PIEZO2: variants seen among roughly 807,000 people sequenced by gnomAD.
The protein encoded by PIEZO2 is piezo-type mechanosensitive ion channel component 2.
A neutral mutation model predicts 337.3 loss-of-function variants in PIEZO2; 172 were observed. The observed-to-expected ratio is 0.51, with a 90% confidence interval of 0.45 to 0.58. The LOEUF is 0.58. PIEZO2 is among the 20% of genes least tolerant of loss of function. PIEZO2 has a pLI of 0.00. For missense variants in PIEZO2, 3,028 were observed against 3,391.3 expected (o/e 0.89, Z 2.66); for synonymous variants, 1,251 against 1,228.5 (o/e 1.02, Z -0.38).
rs747820197 is a variant in PIEZO2, at chr18:10,780,350, C to A, written c.2509G>T (p.Gly837Cys). The A allele has an allele frequency of 2.8e-6, 2 of 702,896 alleles. No homozygotes were observed. Among genetic ancestry groups the A allele is most frequent in the African/African-American group, 1.7e-5 (1 of 57,334 alleles). 43.5% of individuals were successfully genotyped at this position (702,896 alleles called of 1,614,324 possible). A position where few individuals can be genotyped will look rare whatever the true frequency, so the allele number is the denominator to read the frequency against. ...CTATTTATTATTAGATATACGCGAC[C>A]ATTGACTTTGGCATGGCTACGAGGT... ...NTIYSHAKVNGRVYLIINSIK... is the reference protein window; with the variant it reads ...NTIYSHAKVNCRVYLIINSIK... Residue 837 changes from glycine to cysteine, a missense_variant, in exon 18 of 56, where the codon GGT becomes TGT. By Grantham distance (159) the Gly-to-Cys change is radical (BLOSUM62 -3). Coordinates refer to ENST00000674853, the MANE Select transcript of PIEZO2 (RefSeq NM_001378183.1).
chr18:11,072,352 A>G (rs1003472127), intron 1 of PIEZO2, among the ~76,000 whole-genome samples: 2 of 152,192 alleles, frequency 1.3e-5, no homozygotes, highest in Admixed American at 6.5e-5. Context: ...CCCAATTGAC[A>G]TGGCCCCCAA....
chr18:10,681,032 AGC>A (rs1020739701), intron 51 of PIEZO2, among the ~76,000 whole-genome samples: 6 of 152,236 alleles, frequency 3.9e-5, no homozygotes, highest in Admixed American at 3.3e-4. Context: ...TAAAAATAAT[AGC>A]CTTTTTAAAA....
intron 3 of PIEZO2, among the ~76,000 whole-genome samples, chr18:10,932,308 A>G (rs549792424): frequency 3.9e-5 from 6 of 152,210 alleles, no homozygotes; most frequent in Non-Finnish European, 8.8e-5. Context: ...AGGTGGGAGG[A>G]TCAATTGAGC....
intron 1 of PIEZO2, among the ~76,000 whole-genome samples, chr18:11,071,732 A>G (rs1440716079): frequency 6.6e-6 from 1 of 151,894 alleles, no homozygotes; most frequent in Non-Finnish European, 1.5e-5. Context: ...GGCAAAGTGG[A>G]AGCAAGCCTG....
chr18:11,035,220 A>G lies in PIEZO2; in HGVS notation c.160+30907T>C, dbSNP rs779857109. ...AATATTGGACATGGGGCCTGGTGGG[A>G]GGTGTTTGGTCCCAGCAGTAATGAG... On this transcript the variant is annotated intron_variant, in intron 2 of 55. Transcript: ENST00000674853. The surrounding 1 kb of genome is among the most constrained non-coding windows in gnomAD (Gnocchi z 4.3). Among the ~76,000 whole-genome samples, 1 of 152,118 alleles carries G rather than the reference A, an allele frequency of 6.6e-6. No individual in the cohort carries two copies. The highest frequency in any genetic ancestry group is 1.5e-5 in the Non-Finnish European group (1 of 67,996).
Position 10,962,727 on chromosome 18 carries a change from A to G in PIEZO2, c.286+16808T>C, listed in dbSNP as rs2033834732. ...TATCATCTCAGTTTTTTAATTTGTA[A>G]TTTCATCCCCAAGATAAATCCATCA... On this transcript the variant is annotated intron_variant, in intron 3 of 55. Transcript: ENST00000674853. The surrounding 1 kb of genome is among the most constrained non-coding windows in gnomAD (Gnocchi z 4.1). Among the ~76,000 whole-genome samples the G allele has an allele frequency of 1.3e-5, 2 of 152,096 alleles. No individual in the cohort carries two copies. Among genetic ancestry groups the G allele is most frequent in the Non-Finnish European group, 2.9e-5 (2 of 68,008 alleles).
At chr18:11,073,527 A>G (rs1245849300) in intron 1 of PIEZO2, among the ~76,000 whole-genome samples, 1 of 152,172 alleles carries the variant, frequency 6.6e-6, no homozygotes, top group Admixed American at 6.6e-5. Context: ...TGCTCTGACA[A>G]CATGCTCACT....
chr18:10,844,399 G>A (rs779531604), intron 7 of PIEZO2, among the ~76,000 whole-genome samples: 1 of 95,402 alleles, frequency 1.0e-5, no homozygotes, highest in Non-Finnish European at 2.4e-5. Context: ...CAGCCTGGGT[G>A]ACAGAGTGAG....
chr18:11,060,289 C>A (rs537599282), intron 2 of PIEZO2, among the ~76,000 whole-genome samples: 214 of 152,068 alleles, frequency 1.4e-3, no homozygotes, highest in African/African-American at 5.1e-3. Context: ...GCACTAAATG[C>A]CCACAAGAGA....
At chr18:10,740,771 C>T in intron 33 of PIEZO2, 1 of 617,828 alleles carries the variant, frequency 1.6e-6, no homozygotes, top group Non-Finnish European at 2.9e-6. Flanking sequence ...ATAAATTATG[C>T]CCTAGAGTCT....
At chr18:11,046,612 C>T (rs1049234815) in intron 2 of PIEZO2, among the ~76,000 whole-genome samples, 2 of 152,222 alleles carry the variant, frequency 1.3e-5, no homozygotes, top group African/African-American at 4.8e-5. Context: ...GCTGGGTGCT[C>T]GCTCAGGTCT....
At chr18:10,790,684 C>A (rs2039378079) in intron 14 of PIEZO2, among the ~76,000 whole-genome samples, 1 of 150,016 alleles carries the variant, frequency 6.7e-6, no homozygotes, top group Non-Finnish European at 1.5e-5. Flanking sequence ...TGGGAATCAC[C>A]TTCGTGAGGA....
Position 10,780,380 on chromosome 18 carries a change from G to A in PIEZO2, c.2493-14C>T, listed in dbSNP as rs1270599669. 1.4e-6 allele frequency: 1 copy of A among 702,980 alleles called. No individual in the cohort carries two copies. Among genetic ancestry groups the A allele is most frequent in the Admixed American group, 2.0e-5 (1 of 50,014 alleles). 43.5% of individuals were successfully genotyped at this position (702,980 alleles called of 1,614,324 possible). On this transcript the variant is annotated splice_polypyrimidine_tract_variant and intron_variant, in intron 17 of 55. Coordinates refer to ENST00000674853, the MANE Select transcript of PIEZO2 (RefSeq NM_001378183.1). ...ACTTTGGCATGGCTACGAGGTGGCA[G>A]ACGGAAGCACAGGGATGCAATGAGG...
rs2034299037 is a variant in PIEZO2 at position 10,682,269 on chromosome 18, C to T, written c.7521G>A (p.Gln2507=). The T allele has an allele frequency of 1.3e-6, 2 of 1,536,728 alleles. No homozygotes were observed. Among genetic ancestry groups the T allele is most frequent in the Non-Finnish European group, 1.7e-6 (2 of 1,146,582 alleles). ...SEKRYPQPRG[Q]KKKKVVKYGM... ...CATACTTCACCACTTTCTTCTTCTT[C>T]TGGCCCCGTGGCTGAGGGTATCTCT... is the stretch of plus-strand genomic sequence containing the variant. The change falls in exon 50 of 56, where the codon CAG becomes CAA. Residue 2507 remains glutamine (Q), a synonymous_variant. Coordinates refer to ENST00000674853, the MANE Select transcript of PIEZO2 (RefSeq NM_001378183.1). This position sits in a 1 kb window ranked among gnomAD's most constrained non-coding sequence, Gnocchi z 5.6.
At position 10,853,858 on chromosome 18, in the gene PIEZO2, A is replaced by AC. The variant is rs2041625371; in HGVS notation, c.917+1494dup. On this transcript the variant is annotated intron_variant, in intron 7 of 55. Transcript: ENST00000674853. The surrounding 1 kb of genome is among the most constrained non-coding windows in gnomAD (Gnocchi z 4.2). ...TTCTGTCTACCCACAAAACCATCAT[A>AC]CACCTAAGAAATCAGCAATAATTCT... is the stretch of plus-strand genomic sequence containing the variant. 6.6e-6 allele frequency among the ~76,000 whole-genome samples: 1 copy of AC among 152,234 alleles called. No homozygotes were observed. The highest frequency in any genetic ancestry group is 1.5e-5 in the Non-Finnish European group (1 of 68,024).
chr18:10,945,862 C>A lies in PIEZO2; in HGVS notation c.286+33673G>T, dbSNP rs557127836. Among the ~76,000 whole-genome samples the A allele has an allele frequency of 6.6e-6, 1 of 152,004 alleles. No homozygotes were observed. The highest frequency in any genetic ancestry group is 6.6e-5 in the Admixed American group (1 of 15,256). On this transcript the variant is annotated intron_variant, in intron 3 of 55. Coordinates refer to ENST00000674853, the MANE Select transcript of PIEZO2 (RefSeq NM_001378183.1). The surrounding 1 kb of genome is among the most constrained non-coding windows in gnomAD (Gnocchi z 4.0). ...ACTTCTTGAGATAATAACTATAATGCCTGAAATTGAAAACACACTGAATGG... is the reference window on the plus strand; with the variant it reads ...ACTTCTTGAGATAATAACTATAATGACTGAAATTGAAAACACACTGAATGG...
chr18:10,690,152 T>G (rs536975939), intron 48 of PIEZO2, among the ~76,000 whole-genome samples: 2 of 152,264 alleles, frequency 1.3e-5, no homozygotes, highest in Admixed American at 1.3e-4. Context: ...GCGGCTCTGT[T>G]GCTGGATGAG....
At chr18:10,800,979 T>C (rs1481066128) in intron 10 of PIEZO2, among the ~76,000 whole-genome samples, 2 of 152,258 alleles carry the variant, frequency 1.3e-5, no homozygotes, top group Non-Finnish European at 2.9e-5. Context: ...TCTGGGGATC[T>C]CTGCCTGACT....
In PIEZO2 at chr18:11,148,362, G is replaced by A. The variant is rs1259836798; in HGVS notation, c.64+163C>T. Among the ~76,000 whole-genome samples, 1 of 152,276 alleles carries A rather than the reference G, an allele frequency of 6.6e-6. No individual in the cohort carries two copies. The highest frequency in any genetic ancestry group is 1.5e-5 in the Non-Finnish European group (1 of 68,024). Reference sequence around the variant, plus strand: ...CCGATCGCGCGCCCCAGAGTGGGAAGTGAGAGAGCCAGGCTGTGCACCAGG... The same window carrying A: ...CCGATCGCGCGCCCCAGAGTGGGAAATGAGAGAGCCAGGCTGTGCACCAGG... On this transcript the variant is annotated intron_variant, in intron 1 of 55. Coordinates refer to ENST00000674853, the MANE Select transcript of PIEZO2 (RefSeq NM_001378183.1). This position sits in a 1 kb window ranked among gnomAD's most constrained non-coding sequence, Gnocchi z 5.2.
Sources: allele counts gnomAD v4.1 joint callset (sites outside exome capture counted in the v4.1 genomes callset), GRCh38; gene constraint gnomAD v4.1.1; non-coding constraint Gnocchi (gnomAD v3.1); transcripts MANE v1.5; gene names NCBI Gene and HGNC (gene_info 2026-07-23, HGNC 2026-07-21).